GATA4: variants seen among roughly 807,000 people sequenced by gnomAD.
GATA4 encodes GATA binding protein 4, also known as transcription factor GATA-4.
A neutral mutation model predicts 37.9 loss-of-function variants in GATA4; 7 were observed. The ratio of observed to expected loss-of-function variants is 0.18; its 90% CI spans 0.11 to 0.35. The LOEUF is 0.35. Among genes scored for constraint, GATA4 ranks in the 10% least tolerant of loss-of-function variants. The pLI is 1.00. For synonymous variants in GATA4, 372 were observed against 292.6 expected, an observed-to-expected ratio of 1.27 and a Z score of -2.77; for missense variants, 647 against 653.0, an observed-to-expected ratio of 0.99 and a Z score of 0.10.
intron 2 of GATA4, among the ~76,000 whole-genome samples, chr8:11,732,414 T>C (rs1351021173): frequency 6.6e-6 from 1 of 152,216 alleles, no homozygotes; most frequent in Non-Finnish European, 1.5e-5. Context: ...AGAAGCTCCG[T>C]TTCATCTACT....
chr8:11,689,965 G>T (rs1799257900), upstream of GATA4, among the ~76,000 whole-genome samples: 1 of 152,218 alleles, frequency 6.6e-6, no homozygotes, highest in African/African-American at 2.4e-5. Flanking sequence ...GGCTGTGCTG[G>T]TAAATAGGTG....
chr8:11,750,310 C>A (rs922211361), intron 4 of GATA4, 74 bp downstream of exon 4: 7 of 1,583,974 alleles, frequency 4.4e-6, no homozygotes, highest in Non-Finnish European at 6.0e-6. Context: ...TGTCTTCTTC[C>A]TTTGTACTAG....
intron 2 of GATA4, among the ~76,000 whole-genome samples, chr8:11,737,296 C>G (rs960397116): frequency 6.6e-6 from 1 of 152,248 alleles, no homozygotes; most frequent in African/African-American, 2.4e-5. Context: ...AATCTCCCAG[C>G]TGGCTGCTGC....
chr8:11,721,367 G>A (rs551380516), intron 2 of GATA4, among the ~76,000 whole-genome samples: 131 of 149,080 alleles, frequency 8.8e-4, no homozygotes, highest in Non-Finnish European at 1.5e-3. Flanking sequence ...GCAGAAGCAC[G>A]GCGTTGAGGG....
upstream of GATA4, chr8:11,704,054 G>A (rs542758132): frequency 6.4e-4 from 97 of 152,370 alleles, no homozygotes; most frequent in African/African-American, 2.2e-3. Flanking sequence ...TTGCCTGCTG[G>A]GGGAGCTTTC....
At chr8:11,698,263 A>G (rs749880716) in intron 1 of GATA4, among the ~76,000 whole-genome samples, 1 of 152,108 alleles carries the variant, frequency 6.6e-6, no homozygotes, top group Non-Finnish European at 1.5e-5. Context: ...TCAACACTGT[A>G]TTTGACTTAC....
chr8:11,756,930 T>G lies in GATA4; in HGVS notation c.1001-5T>G. On this transcript the variant is annotated splice_polypyrimidine_tract_variant and splice_region_variant and intron_variant, in intron 5 of 6. Transcript: ENST00000532059. ...TTTGGGTGTGCTGACTCTGCTTCAT[T>G]CCAGCTCCTTCAGGCAGTGAGAGCC... is the stretch of plus-strand genomic sequence containing the variant. 6.2e-7 allele frequency: 1 copy of G among 1,614,224 alleles called. No homozygotes were observed. Among genetic ancestry groups the G allele is most frequent in the Non-Finnish European group, 8.5e-7 (1 of 1,180,038 alleles).
At chr8:11,689,119 C>T (rs548574256), upstream of GATA4, among the ~76,000 whole-genome samples, 56 of 152,282 alleles carry the variant, frequency 3.7e-4, no homozygotes, top group African/African-American at 1.2e-3. Flanking sequence ...AGCTGCAAGA[C>T]GACTTCTGGA....
upstream of GATA4, among the ~76,000 whole-genome samples, chr8:11,688,044 C>G (rs374535071): frequency 6.6e-6 from 1 of 152,150 alleles, no homozygotes; most frequent in East Asian, 1.9e-4. Flanking sequence ...AGCTTAAACC[C>G]AACTGAGTAA....
At chr8:11,753,854 G>A (rs537163213) in intron 4 of GATA4, among the ~76,000 whole-genome samples, 4 of 152,204 alleles carry the variant, frequency 2.6e-5, no homozygotes, top group Non-Finnish European at 4.4e-5. Context: ...TGGTAGACAA[G>A]CACAGCATAG....
At chr8:11,683,033 G>A (rs1210271023) in intron 1 of GATA4, 4 of 983,976 alleles carry the variant, frequency 4.1e-6, no homozygotes, top group Admixed American at 6.1e-5. Context: ...CTCGGTGCGC[G>A]GGGGTTTCTC....
At chr8:11,687,185 G>C (rs775924073) in intron 1 of GATA4, among the ~76,000 whole-genome samples, 1 of 152,108 alleles carries the variant, frequency 6.6e-6, no homozygotes, top group Admixed American at 6.6e-5. Flanking sequence ...TTTGAAAAAC[G>C]CTTCATTCTC....
At chr8:11,733,204 C>T (rs1308955270) in intron 2 of GATA4, among the ~76,000 whole-genome samples, 1 of 152,106 alleles carries the variant, frequency 6.6e-6, no homozygotes, top group Non-Finnish European at 1.5e-5. Context: ...TGGCAGCATT[C>T]TTTATTCCAA....
chr8:11,693,325 G>A (rs1030478974), intron 1 of GATA4, among the ~76,000 whole-genome samples: 1 of 152,008 alleles, frequency 6.6e-6, no homozygotes, highest in African/African-American at 2.4e-5. Flanking sequence ...TTAGCCAGGC[G>A]TCGTGGCGCG....
intron 1 of GATA4, among the ~76,000 whole-genome samples, chr8:11,699,066 A>C (rs939032080): frequency 6.6e-6 from 1 of 152,128 alleles, no homozygotes; most frequent in Non-Finnish European, 1.5e-5. Flanking sequence ...TTAATCATTC[A>C]CCCAACACTT....
intron 5 of GATA4, among the ~76,000 whole-genome samples, chr8:11,755,462 C>T (rs1199402111): frequency 6.6e-6 from 1 of 152,196 alleles, no homozygotes; most frequent in Admixed American, 6.5e-5. Flanking sequence ...GCGCTGCAGC[C>T]ACCCAAAAGC....
chr8:11,748,314 C>T (rs1475261812), intron 2 of GATA4, among the ~76,000 whole-genome samples: 2 of 152,090 alleles, frequency 1.3e-5, no homozygotes, highest in African/African-American at 4.8e-5. Flanking sequence ...ATCGCTTGAG[C>T]CCAGGGGTTC....
At chr8:11,717,271 C>T (rs1188758899) in intron 2 of GATA4, among the ~76,000 whole-genome samples, 1 of 152,194 alleles carries the variant, frequency 6.6e-6, no homozygotes, top group African/African-American at 2.4e-5. Context: ...ATACAAAATA[C>T]ATTTATAAGT....
rs1800054885 is a variant in GATA4 at position 11,709,305 on chromosome 8, G to A, written c.616+377G>A. Among the ~76,000 whole-genome samples the A allele has an allele frequency of 6.6e-6, 1 of 152,224 alleles. No homozygotes were observed. Among genetic ancestry groups the A allele is most frequent in the African/African-American group, 2.4e-5 (1 of 41,470 alleles). On this transcript the variant is annotated intron_variant, in intron 2 of 6. Coordinates refer to ENST00000532059, the MANE Select transcript of GATA4 (RefSeq NM_001308093.3). The surrounding 1 kb of genome is among the most constrained non-coding windows in gnomAD (Gnocchi z 4.3). ...GGATTTCCTCGTGGAAGGTGCTGGA[G>A]ATTGCTGAGTTTCTGCGCCCCTTTC...
Sources: gnomAD v4.1 joint callset for allele counts (sites outside exome capture counted in the v4.1 genomes callset) on GRCh38, gnomAD v4.1.1 for gene constraint, Gnocchi (gnomAD v3.1) non-coding constraint, MANE v1.5 for transcripts, NCBI Gene and HGNC (gene_info 2026-07-23, HGNC 2026-07-21) for gene names.